MINDY3: variants seen among roughly 807,000 people sequenced by gnomAD.
The protein encoded by MINDY3 is ubiquitin carboxyl-terminal hydrolase MINDY-3.
MINDY3 carries 38 observed loss-of-function variants against 69.2 expected under a neutral mutation model. The ratio of observed to expected loss-of-function variants is 0.55; its 90% CI spans 0.42 to 0.72. MINDY3 has a LOEUF of 0.72. MINDY3 is among the 30% of genes least tolerant of loss of function. MINDY3 has a pLI of 0.00. For synonymous variants in MINDY3, 192 were observed against 180.1 expected (o/e 1.07, Z -0.53); for missense variants, 522 against 519.0 (o/e 1.01, Z -0.06).
In MINDY3 at chr10:15,795,457, C is replaced by T. The variant is rs182199584; in HGVS notation, c.955+643G>A. Among the ~76,000 whole-genome samples the T allele has an allele frequency of 3.4e-4, 51 of 152,146 alleles. No individual in the cohort carries two copies. The East Asian group carries it at 3.9e-3, about 12-fold the overall frequency. On this transcript the variant is annotated intron_variant, in intron 11 of 14. Transcript: ENST00000277632. ...GGATACAGCAACTTCCATTTCTACA[C>T]GGTACTTCGTAAGGGAACTCTGAAG... is the stretch of plus-strand genomic sequence containing the variant.
intron 1 of MINDY3, among the ~76,000 whole-genome samples, chr10:15,856,378 A>G (rs999746921): frequency 3.8e-4 from 58 of 152,014 alleles, no homozygotes; most frequent in African/African-American, 1.3e-3. Context: ...TCTAATTTCA[A>G]TCAACTACAC....
In MINDY3 at chr10:15,844,137, A is replaced by G. The variant is rs570432837; in HGVS notation, c.175-865T>C. ...CAAACTTTAAAAGTTTGCAGCGAAG[A>G]TTATATGAGAAAATCTATGTAATGC... On this transcript the variant is annotated intron_variant, in intron 2 of 14. Coordinates refer to ENST00000277632, the MANE Select transcript of MINDY3 (RefSeq NM_024948.4). Among the ~76,000 whole-genome samples, 18 of 152,314 alleles carry G rather than the reference A, an allele frequency of 1.2e-4. No individual in the cohort carries two copies. In the East Asian group the frequency reaches 3.3e-3, roughly 28 times the overall value.
intron 12 of MINDY3, among the ~76,000 whole-genome samples, chr10:15,787,990 A>G (rs528797894): frequency 6.6e-6 from 1 of 152,264 alleles, no homozygotes; most frequent in South Asian, 2.1e-4. Context: ...AATCAATTGT[A>G]CTAACTTCAT....
intron 12 of MINDY3, among the ~76,000 whole-genome samples, chr10:15,788,553 T>C (rs1024384023): frequency 5.9e-5 from 9 of 152,124 alleles, no homozygotes; most frequent in Non-Finnish European, 1.2e-4. Context: ...GGAAAAACTA[T>C]GCTGAAAAAA....
chr10:15,842,709 G>A (rs1833558580), intron 3 of MINDY3, among the ~76,000 whole-genome samples: 1 of 151,754 alleles, frequency 6.6e-6, no homozygotes, highest in Non-Finnish European at 1.5e-5. Context: ...CACGTGGAAT[G>A]CAAATTCTTG....
rs1564441923 is a variant in MINDY3 at position 15,778,246 on chromosome 10, C to G, written c.*746G>C. 6.6e-6 allele frequency: 1 copy of G among 152,156 alleles called. No individual in the cohort carries two copies. 9.4% of individuals were successfully genotyped at this position (152,156 alleles called of 1,614,324 possible). On this transcript the variant is annotated 3_prime_UTR_variant, in exon 15 of 15. Transcript: ENST00000277632. ...ATAACGTAATATACTAATGTAATAA[C>G]AGATCTTCTCATGCATTTATCGTGT...
chr10:15,801,848 G>C lies in MINDY3; in HGVS notation c.883-5676C>G, dbSNP rs981952941. Among the ~76,000 whole-genome samples, 4 of 151,910 alleles carry C rather than the reference G, an allele frequency of 2.6e-5. No homozygotes were observed. The South Asian group carries it at 8.3e-4, about 32-fold the overall frequency. ...GATTTACAGAGCCAATCAGAGTAAA[G>C]GGTTTCAAGATAAAGATCTTGGAGA... On this transcript the variant is annotated intron_variant, in intron 10 of 14. Transcript: ENST00000277632.
chr10:15,837,919 G>C, intron 5 of MINDY3: 1 of 932,800 alleles, frequency 1.1e-6, no homozygotes. Context: ...TATCCTACTA[G>C]AAATCTTCAT....
Position 15,860,193 on chromosome 10 carries a change from C to T in MINDY3, c.94+13G>A. On this transcript the variant is annotated intron_variant, in intron 1 of 14. Coordinates refer to ENST00000277632, the MANE Select transcript of MINDY3 (RefSeq NM_024948.4). ...AAGCAGCGGCTGCAAGTGTGAGAGC[C>T]CCGCCAGGGTACCTTGCGTCCAGCG... 1 of 1,592,900 alleles carries T rather than the reference C, an allele frequency of 6.3e-7. No individual in the cohort carries two copies. The highest frequency in any genetic ancestry group is 8.6e-7 in the Non-Finnish European group (1 of 1,168,650).
intron 11 of MINDY3, among the ~76,000 whole-genome samples, chr10:15,791,671 T>C (rs903711988): frequency 1.3e-5 from 2 of 152,042 alleles, no homozygotes; most frequent in African/African-American, 4.8e-5. Flanking sequence ...TTTTTACCAG[T>C]TGAATATCCA....
intron 13 of MINDY3, among the ~76,000 whole-genome samples, chr10:15,783,747 T>C (rs746693655): frequency 6.6e-6 from 1 of 152,160 alleles, no homozygotes; most frequent in Non-Finnish European, 1.5e-5. Context: ...TTACAGAAAA[T>C]AGAAAAATCA....
intron 4 of MINDY3, 136 bp from the exon 5 acceptor site, chr10:15,838,415 T>G (rs2132076490): frequency 1.7e-6 from 1 of 581,608 alleles, no homozygotes; most frequent in East Asian, 3.2e-5. Context: ...CAGTTTATTT[T>G]CAACTTCATT....
chr10:15,800,254 A>C (rs1487190311), intron 10 of MINDY3, among the ~76,000 whole-genome samples: 3 of 152,128 alleles, frequency 2.0e-5, no homozygotes, highest in Non-Finnish European at 4.4e-5. Flanking sequence ...AATGCCACAA[A>C]TCTATTATAA....
chr10:15,809,635 G>A (rs1468643433), intron 10 of MINDY3, among the ~76,000 whole-genome samples: 3 of 151,976 alleles, frequency 2.0e-5, no homozygotes, highest in African/African-American at 4.8e-5. Flanking sequence ...CACCTCACCC[G>A]TATCCTCTTA....
intron 1 of MINDY3, among the ~76,000 whole-genome samples, chr10:15,857,681 A>G (rs1437887981): frequency 2.6e-5 from 4 of 152,122 alleles, no homozygotes; most frequent in African/African-American, 9.7e-5. Flanking sequence ...TGCCCAAAAA[A>G]AGAAGAAGAA....
At chr10:15,780,251 A>G (rs1304331376) in intron 14 of MINDY3, among the ~76,000 whole-genome samples, 1 of 152,210 alleles carries the variant, frequency 6.6e-6, no homozygotes, top group Non-Finnish European at 1.5e-5. Flanking sequence ...ATCTTGTGTC[A>G]TGAATCTACT....
intron 8 of MINDY3, among the ~76,000 whole-genome samples, chr10:15,825,441 C>G (rs1056762134): frequency 6.6e-6 from 1 of 152,142 alleles, no homozygotes; most frequent in African/African-American, 2.4e-5. Context: ...AACTCCTGGC[C>G]TTAAGTGATC....
intron 10 of MINDY3, 143 bp from the exon 11 acceptor site, chr10:15,796,315 G>A: frequency 1.6e-6 from 1 of 643,910 alleles, no homozygotes; most frequent in Non-Finnish European, 2.8e-6. Context: ...TAACGAGATA[G>A]GTCATAAACT....
chr10:15,812,683 T>C (rs1263550834), intron 10 of MINDY3, among the ~76,000 whole-genome samples: 1 of 152,196 alleles, frequency 6.6e-6, no homozygotes, highest in Non-Finnish European at 1.5e-5. Context: ...AGCTACAGCA[T>C]AGCTCTCCAC....
Sources: gnomAD v4.1 joint callset for allele counts (sites outside exome capture counted in the v4.1 genomes callset) on GRCh38, gnomAD v4.1.1 for gene constraint, MANE v1.5 for transcripts, NCBI Gene and HGNC (gene_info 2026-07-23, HGNC 2026-07-21) for gene names.